FABP12: variants seen among roughly 807,000 people sequenced by gnomAD.
FABP12 encodes the protein fatty acid binding protein 12.
Under a neutral mutation model 13.7 loss-of-function variants are expected in FABP12, and 19 were observed. The ratio of observed to expected loss-of-function variants is 1.39; its 90% CI spans 0.97 to 2.04. The LOEUF (loss-of-function observed/expected upper bound fraction) is 2.04. Among genes scored for constraint, FABP12 ranks in the 30% most tolerant of loss-of-function variants. The pLI is 0.00. For missense variants in FABP12, 182 were observed against 164.2 expected (o/e 1.11, Z -0.59); for synonymous variants, 61 against 57.0 (o/e 1.07, Z -0.32).
intron 1 of FABP12, among the ~76,000 whole-genome samples, chr8:81,586,969 A>G (rs1563560680): frequency 6.6e-6 from 1 of 152,104 alleles, no homozygotes; most frequent in Non-Finnish European, 1.5e-5. Flanking sequence ...TAATTTTTGT[A>G]TATGGTGAAA....
intron 1 of FABP12, among the ~76,000 whole-genome samples, chr8:81,585,115 TTG>T (rs1810223255): frequency 6.6e-6 from 1 of 152,198 alleles, no homozygotes; most frequent in African/African-American, 2.4e-5. Context: ...GTTTTCGGTT[TTG>T]TTTCCTGTGT....
At chr8:81,544,869 G>A (rs1323978034) in intron 1 of FABP12, among the ~76,000 whole-genome samples, 1 of 152,122 alleles carries the variant, frequency 6.6e-6, no homozygotes, top group Non-Finnish European at 1.5e-5. Context: ...CCAGTGAGAG[G>A]TAAAAGTAAT....
At chr8:81,535,031 T>C (rs1462589342), upstream of FABP12, among the ~76,000 whole-genome samples, 7 of 152,210 alleles carry the variant, frequency 4.6e-5, no homozygotes, top group Non-Finnish European at 7.3e-5. Flanking sequence ...TAGGAAAGAA[T>C]GTGAAATGTG....
intron 1 of FABP12, among the ~76,000 whole-genome samples, chr8:81,560,726 T>G (rs902151827): frequency 6.6e-6 from 1 of 152,160 alleles, no homozygotes; most frequent in Non-Finnish European, 1.5e-5. Context: ...AGAGAAATAT[T>G]ATCTCCATTT....
chr8:81,573,187 A>G (rs1011223654), intron 1 of FABP12, among the ~76,000 whole-genome samples: 1 of 152,082 alleles, frequency 6.6e-6, no homozygotes, highest in African/African-American at 2.4e-5. Context: ...TTATCCCAGC[A>G]CCATTTGTTG....
chr8:81,549,235 A>ACG lies in FABP12; in HGVS notation c.-184-9493_-184-9492insCG, dbSNP rs539507054. Among the ~76,000 whole-genome samples, 282 of 150,710 alleles carry ACG rather than the reference A, an allele frequency of 1.9e-3. 1 individual carries two copies. The highest frequency in any genetic ancestry group is 6.8e-3 in the Middle Eastern group (2 of 294). On this transcript the variant is annotated intron_variant, in intron 1 of 5. Transcript: ENST00000692030. ...CCTCTACACAGACACACATACACAC[A>ACG]CACACACACACACACACATGCACGT...
intron 1 of FABP12, among the ~76,000 whole-genome samples, chr8:81,557,019 C>G (rs1451346641): frequency 6.6e-6 from 1 of 151,210 alleles, no homozygotes; most frequent in Non-Finnish European, 1.5e-5. Context: ...GGATTACAGG[C>G]ATGCACCACC....
chr8:81,541,199 GAC>G (rs1210751872), intron 1 of FABP12, among the ~76,000 whole-genome samples: 1 of 149,628 alleles, frequency 6.7e-6, no homozygotes, highest in Non-Finnish European at 1.5e-5. Context: ...AATATAAAAA[GAC>G]ACACACACAA....
chr8:81,555,133 TA>T (rs1809590401), intron 1 of FABP12, among the ~76,000 whole-genome samples: 2 of 152,216 alleles, frequency 1.3e-5, no homozygotes, highest in African/African-American at 4.8e-5. Flanking sequence ...AATTGTGAAC[TA>T]AAAGGCAGCC....
At chr8:81,534,664 T>A (rs1809177568), upstream of FABP12, among the ~76,000 whole-genome samples, 1 of 152,184 alleles carries the variant, frequency 6.6e-6, no homozygotes, top group South Asian at 2.1e-4. Flanking sequence ...CACAGGACTA[T>A]GTAACAGGTG....
chr8:81,534,022 A>G (rs1046466578), upstream of FABP12, among the ~76,000 whole-genome samples: 6 of 152,146 alleles, frequency 3.9e-5, no homozygotes, highest in African/African-American at 1.2e-4. Context: ...TAATAGGTGT[A>G]TAAGTCTCTG....
chr8:81,553,309 G>A (rs1056033819), intron 1 of FABP12, among the ~76,000 whole-genome samples: 1 of 152,146 alleles, frequency 6.6e-6, no homozygotes, highest in African/African-American at 2.4e-5. Flanking sequence ...ATCCCTTGGT[G>A]TCTAAAATGT....
At chr8:81,555,168 A>G (rs1316051464) in intron 1 of FABP12, among the ~76,000 whole-genome samples, 5 of 152,234 alleles carry the variant, frequency 3.3e-5, no homozygotes, top group Non-Finnish European at 7.3e-5. Context: ...GAAAGAAACA[A>G]TCACATGATC....
chr8:81,539,508 A>G (rs1433802630), intron 2 of FABP12, among the ~76,000 whole-genome samples: 1 of 132,312 alleles, frequency 7.6e-6, no homozygotes, highest in Admixed American at 8.9e-5. Flanking sequence ...TTTCTTTTGG[A>G]ATCTTTGTAA....
chr8:81,587,698 C>T (rs2130115839), intron 1 of FABP12, among the ~76,000 whole-genome samples: 1 of 152,032 alleles, frequency 6.6e-6, no homozygotes, highest in South Asian at 2.1e-4. Flanking sequence ...TATCCTGAAA[C>T]TTTGCTGAAG....
At chr8:81,525,558 TA>T (rs1362513056) in intron 4 of FABP12, among the ~76,000 whole-genome samples, 2 of 150,932 alleles carry the variant, frequency 1.3e-5, no homozygotes, top group South Asian at 4.3e-4. Flanking sequence ...AGATAGATGA[TA>T]GATAGATAGA....
At chr8:81,542,588 T>C (rs1480179399) in intron 1 of FABP12, among the ~76,000 whole-genome samples, 3 of 152,138 alleles carry the variant, frequency 2.0e-5, no homozygotes, top group African/African-American at 4.8e-5. Context: ...TGGGGCTGGA[T>C]ATTCCCACAA....
At chr8:81,590,020 C>T (rs1810296371) in intron 1 of FABP12, among the ~76,000 whole-genome samples, 1 of 152,128 alleles carries the variant, frequency 6.6e-6, no homozygotes, top group South Asian at 2.1e-4. Flanking sequence ...ATTGTGATAA[C>T]ATAATCTCCA....
At chr8:81,579,909 G>A (rs1394617013) in intron 1 of FABP12, among the ~76,000 whole-genome samples, 1 of 151,998 alleles carries the variant, frequency 6.6e-6, no homozygotes, top group African/African-American at 2.4e-5. Context: ...TGAAAAAAAA[G>A]TAACAGTGGG....
Sources: gnomAD v4.1 joint callset for allele counts (sites outside exome capture counted in the v4.1 genomes callset) on GRCh38, gnomAD v4.1.1 for gene constraint, MANE v1.5 for transcripts, NCBI Gene and HGNC (gene_info 2026-07-23, HGNC 2026-07-21) for gene names.